CLUL1: variants seen among roughly 807,000 people sequenced by gnomAD.
The protein encoded by CLUL1 is clusterin-like protein 1.
In CLUL1, 43 loss-of-function variants were observed where a neutral mutation model predicts 49.4. The ratio of observed to expected loss-of-function variants is 0.87; its 90% CI spans 0.68 to 1.12. CLUL1 has a LOEUF of 1.12. Among genes scored for constraint, CLUL1 ranks in the 50% most tolerant of loss-of-function variants. CLUL1 has a pLI of 0.00. For missense variants in CLUL1, 486 were observed against 544.4 expected (o/e 0.89, Z 1.07); for synonymous variants, 192 against 184.9 (o/e 1.04, Z -0.31).
intron 1 of CLUL1, chr18:597,765 TCTAA>T (rs577122648): frequency 1.3e-5 from 2 of 152,076 alleles, no homozygotes; most frequent in African/African-American, 2.4e-5. Flanking sequence ...AACGATCACA[TCTAA>T]CTATCAATGC....
intron 1 of CLUL1, among the ~76,000 whole-genome samples, chr18:599,661 G>A (rs192591539): frequency 5.3e-5 from 8 of 152,174 alleles, no homozygotes; most frequent in Admixed American, 2.0e-4. Flanking sequence ...GGCCAGGTGC[G>A]GTGGTTCACG....
chr18:627,189 G>A lies in CLUL1; in HGVS notation c.516G>A (p.Glu172=), dbSNP rs1470190062. ...TCCCCATCAGTGAAAAGCTCATTGA[G>A]GAAGATGCACAATTGACCCAAATGG... The part of the protein sequence containing the change: ...KDLPISEKLI[E]EDAQLTQMED... Residue 172 remains glutamate (E), a synonymous_variant, in exon 6 of 10, where the codon GAG becomes GAA. Coordinates refer to ENST00000692774, the MANE Select transcript of CLUL1 (RefSeq NM_001393344.1). 6 of 1,613,300 alleles carry A rather than the reference G, an allele frequency of 3.7e-6. No homozygotes were observed. In the South Asian group the frequency reaches 6.6e-5, roughly 18 times the overall value.
chr18:612,081 C>G (rs1450104318), intron 2 of CLUL1, among the ~76,000 whole-genome samples: 1 of 152,174 alleles, frequency 6.6e-6, no homozygotes, highest in African/African-American at 2.4e-5. Context: ...AAAGAGGCAC[C>G]ATTATCTCTT....
rs192060736 is a variant in CLUL1 at position 606,156 on chromosome 18, C to T, written c.-135-822C>T. 2.0e-4 allele frequency among the ~76,000 whole-genome samples: 31 copies of T among 152,256 alleles called. No homozygotes were observed. Among genetic ancestry groups the T allele is most frequent in the African/African-American group, 7.0e-4 (29 of 41,548 alleles). ...CACCCCTCCCCCAGATGGTATTTAG[C>T]GCCTCTGGCTGGGAACGGCTTCCCC... On this transcript the variant is annotated intron_variant, in intron 1 of 9. Transcript: ENST00000692774. The surrounding 1 kb of genome is among the most constrained non-coding windows in gnomAD (Gnocchi z 4.1).
At chr18:610,040 T>A (rs2073087090) in intron 2 of CLUL1, among the ~76,000 whole-genome samples, 1 of 152,130 alleles carries the variant, frequency 6.6e-6, no homozygotes, top group African/African-American at 2.4e-5. Flanking sequence ...AGGATGAGAC[T>A]TAAATGTTAC....
chr18:609,939 C>T (rs555900544), intron 2 of CLUL1, among the ~76,000 whole-genome samples: 1 of 151,214 alleles, frequency 6.6e-6, no homozygotes, highest in Admixed American at 6.6e-5. Context: ...CTTAACAAAA[C>T]AAGTGAGATA....
intron 4 of CLUL1, 108 bp downstream of exon 4, chr18:619,469 T>C: frequency 9.6e-7 from 1 of 1,041,090 alleles, no homozygotes; most frequent in Non-Finnish European, 1.3e-6. Context: ...ATAAATTTCA[T>C]GGGTAGCTGC....
At chr18:639,720 GT>G (rs1189363458) in intron 7 of CLUL1, among the ~76,000 whole-genome samples, 1 of 151,996 alleles carries the variant, frequency 6.6e-6, no homozygotes, top group Non-Finnish European at 1.5e-5. Context: ...AGCCAAGATT[GT>G]GTCACTGCAC....
intron 7 of CLUL1, among the ~76,000 whole-genome samples, chr18:634,364 C>G (rs935689276): frequency 2.0e-5 from 3 of 152,216 alleles, no homozygotes; most frequent in Non-Finnish European, 4.4e-5. Context: ...GAACTCCTGA[C>G]CTTGTGATCC....
At chr18:639,591 C>T (rs2074278066) in intron 7 of CLUL1, among the ~76,000 whole-genome samples, 1 of 151,746 alleles carries the variant, frequency 6.6e-6, no homozygotes, top group South Asian at 2.1e-4. Flanking sequence ...ATGGTGAAAC[C>T]CCGTCTCTAC....
At chr18:633,476 C>T in intron 7 of CLUL1, 41 bp downstream of exon 7, 1 of 1,550,112 alleles carries the variant, frequency 6.5e-7, no homozygotes, top group Non-Finnish European at 8.9e-7. Flanking sequence ...ACTTTAAGTT[C>T]TCAGGTACAT....
rs199500444 is a variant in CLUL1 at position 645,081 on chromosome 18, G to T, written c.1381G>T (p.Glu461Ter). 8 of 1,603,078 alleles carry T rather than the reference G, an allele frequency of 5.0e-6. No individual in the cohort carries two copies. Among genetic ancestry groups the T allele is most frequent in the South Asian group, 1.1e-5 (1 of 88,162 alleles). The change falls in exon 9 of 10, where the codon GAA becomes TAA. Residue 461 changes from glutamate (E) to a stop codon, truncating the protein, a stop_gained. Transcript: ENST00000692774. LOFTEE classifies it high-confidence loss of function. ...GGCAAAAGCTCTACAGCATTTTAAG[G>T]AACATTTTAAAACCTGGTAAGCAGA... ...VVAKALQHFK[E>*]HFKTW
At chr18:626,920 AAAGAAAGAAGGAAAGAAGGAAAG>A (rs2073769768) in intron 5 of CLUL1, among the ~76,000 whole-genome samples, 154 bp from the exon 6 acceptor site, 1 of 934 alleles carries the variant, frequency 1.1e-3, no homozygotes, top group African/African-American at 1.2e-3. Flanking sequence ...AGAAAGAAAG[AAAGAAAGAAGGAAAGAAGGAAAG>A]AAGGAAGGAA....
rs369365168 is a variant in CLUL1 at position 633,428 on chromosome 18, A to C, written c.987A>C (p.Leu329=). The C allele has an allele frequency of 6.2e-6, 10 of 1,612,792 alleles. No homozygotes were observed. In the South Asian group the frequency reaches 9.9e-5, roughly 16 times the overall value. The change falls in exon 7 of 10, where the codon CTA becomes CTC. Residue 329 remains leucine (L), a synonymous_variant. Transcript: ENST00000692774. ...AATGCCAAAAATGTCAGGCTCACCT[A>C]TCTGAAGGTAAATAATTGCTATTTT... is the stretch of plus-strand genomic sequence containing the variant. ...HEKCQKCQAH[L]SEDCPDVPAL...
intron 7 of CLUL1, among the ~76,000 whole-genome samples, chr18:641,099 A>T (rs1274555170): frequency 6.6e-6 from 1 of 152,232 alleles, no homozygotes; most frequent in African/African-American, 2.4e-5. Context: ...TTCTGTCTCC[A>T]GCCCAGTTTC....
intron 1 of CLUL1, among the ~76,000 whole-genome samples, chr18:603,562 AT>A (rs1247918670): frequency 6.6e-6 from 1 of 152,166 alleles, no homozygotes. Context: ...CATCATTAAC[AT>A]CTTATGCAAC....
chr18:649,616 C>T (rs931984406), intron 9 of CLUL1: 2 of 309,640 alleles, frequency 6.5e-6, no homozygotes, highest in Non-Finnish European at 1.2e-5. Flanking sequence ...ACACTACGTG[C>T]ATGTAGAGTT....
intron 4 of CLUL1, among the ~76,000 whole-genome samples, chr18:620,493 T>C (rs1298275803): frequency 1.3e-5 from 2 of 152,138 alleles, no homozygotes; most frequent in Non-Finnish European, 2.9e-5. Flanking sequence ...TACAATTGGG[T>C]GCATGTGAAC....
rs568349208 is a variant in CLUL1 at position 611,904 on chromosome 18, C to A, written c.-14+4805C>A. ...AGCAAAGGCCTGTGCCAGCCAATGG[C>A]CCCCACTACACTCTGCCCCGGCCTT... On this transcript the variant is annotated intron_variant, in intron 2 of 9. Coordinates refer to ENST00000692774, the MANE Select transcript of CLUL1 (RefSeq NM_001393344.1). Among the ~76,000 whole-genome samples the A allele has an allele frequency of 3.4e-5, 5 of 147,206 alleles. No homozygotes were observed. The South Asian group carries it at 1.0e-3, about 31-fold the overall frequency.
Sources: gnomAD v4.1 joint callset for allele counts (sites outside exome capture counted in the v4.1 genomes callset) on GRCh38, gnomAD v4.1.1 for gene constraint, Gnocchi (gnomAD v3.1) non-coding constraint, MANE v1.5 for transcripts, NCBI Gene and HGNC (gene_info 2026-07-23, HGNC 2026-07-21) for gene names.